Variants in STAG1 observed in about 807,000 individuals in gnomAD.
STAG1 encodes STAG1 cohesin complex component.
A neutral mutation model predicts 170.9 loss-of-function variants in STAG1; 26 were observed. That is an observed-to-expected ratio of 0.15 (90% CI 0.11 to 0.21). STAG1 has a LOEUF of 0.21. Ranked by LOEUF, STAG1 falls within the 10% of genes least tolerant of loss-of-function variation. The pLI, the probability that STAG1 is intolerant of heterozygous loss-of-function variation, is 1.00. For missense variants in STAG1, 964 were observed against 1,509.5 expected, an observed-to-expected ratio of 0.64 and a Z score of 5.99; for synonymous variants, 514 against 497.7, an observed-to-expected ratio of 1.03 and a Z score of -0.44.
intron 2 of STAG1, 89 bp downstream of exon 2, chr3:136,630,781 G>T: frequency 2.2e-6 from 2 of 903,626 alleles, no homozygotes; most frequent in Non-Finnish European, 3.5e-6. Context: ...TATTTGAAAT[G>T]TATCATCGAA....
intron 1 of STAG1, among the ~76,000 whole-genome samples, chr3:136,634,306 A>G (rs1940462145): frequency 6.6e-6 from 1 of 151,958 alleles, no homozygotes; most frequent in African/African-American, 2.4e-5. Context: ...ACAGTGAGCC[A>G]TGACTGGGCC....
chr3:136,520,303 A>G (rs2107903605), intron 7 of STAG1, among the ~76,000 whole-genome samples: 1 of 152,266 alleles, frequency 6.6e-6, no homozygotes, highest in East Asian at 1.9e-4. Flanking sequence ...TGCTTTAAAT[A>G]AATTAGATAA....
intron 2 of STAG1, among the ~76,000 whole-genome samples, chr3:136,629,116 T>G (rs543021285): frequency 6.6e-6 from 1 of 152,304 alleles, no homozygotes; most frequent in Non-Finnish European, 1.5e-5. Context: ...TCACAAAGCA[T>G]GATATATTAG....
intron 15 of STAG1, among the ~76,000 whole-genome samples, chr3:136,437,076 C>T (rs1270206769): frequency 6.6e-6 from 1 of 152,156 alleles, no homozygotes; most frequent in Non-Finnish European, 1.5e-5. Flanking sequence ...TACAAGGCTG[C>T]CCATGAACTA....
intron 4 of STAG1, among the ~76,000 whole-genome samples, chr3:136,593,699 C>A (rs1419452024): frequency 6.6e-6 from 1 of 152,288 alleles, no homozygotes; most frequent in East Asian, 1.9e-4. Flanking sequence ...CCAATTTTAT[C>A]TTCAGGCAAA....
intron 6 of STAG1, among the ~76,000 whole-genome samples, chr3:136,533,818 C>G (rs561192219): frequency 6.6e-6 from 1 of 152,114 alleles, no homozygotes; most frequent in East Asian, 1.9e-4. Flanking sequence ...AAGCAATATA[C>G]AAATTCAATG....
At chr3:136,452,239 C>G (rs2088964808) in intron 13 of STAG1, 92 bp from the exon 14 acceptor site, 3 of 802,320 alleles carry the variant, frequency 3.7e-6, no homozygotes, top group Non-Finnish European at 6.4e-6. Flanking sequence ...TTAACAACAA[C>G]AACAACAAAA....
chr3:136,617,862 A>G (rs1234715537), intron 3 of STAG1, among the ~76,000 whole-genome samples: 2 of 152,230 alleles, frequency 1.3e-5, no homozygotes, highest in Admixed American at 6.5e-5. Flanking sequence ...TGGAATTTGA[A>G]TATTATGAAA....
intron 6 of STAG1, among the ~76,000 whole-genome samples, chr3:136,540,769 C>G (rs1358399756): frequency 8.3e-6 from 1 of 121,108 alleles, no homozygotes; most frequent in East Asian, 2.7e-4. Context: ...TTAAAGTAAG[C>G]TGAGACAATG....
intron 21 of STAG1, among the ~76,000 whole-genome samples, chr3:136,411,440 T>C (rs1433798201): frequency 1.3e-5 from 2 of 152,208 alleles, no homozygotes; most frequent in African/African-American, 2.4e-5. Flanking sequence ...AGAATTTAAA[T>C]ATACCTTGAC....
chr3:136,429,819 G>A (rs577561464), intron 16 of STAG1, among the ~76,000 whole-genome samples: 4 of 152,226 alleles, frequency 2.6e-5, no homozygotes, highest in Admixed American at 2.6e-4. Context: ...ACATGTCAAG[G>A]ATGAAGACTT....
rs552631618 is a variant in STAG1, at chr3:136,460,802, A to C, written c.1313+4079T>G. 5.9e-5 allele frequency among the ~76,000 whole-genome samples: 9 copies of C among 152,302 alleles called. No individual in the cohort carries two copies. The South Asian group carries it at 1.9e-3, about 32-fold the overall frequency. On this transcript the variant is annotated intron_variant, in intron 13 of 33. Transcript: ENST00000383202. ...ATTCCAGAAAATTGAAGATAAGGGA[A>C]TACCTCCAAGCTCATTCTACAAGGT...
chr3:136,752,239 C>A lies in STAG1; in HGVS notation c.-128G>T. 1 of 153,164 alleles carries A rather than the reference C, an allele frequency of 6.5e-6. No homozygotes were observed. Among genetic ancestry groups the A allele is most frequent in the South Asian group, 1.9e-4 (1 of 5,402 alleles). The allele number at this position is 153,164 out of a possible 1,614,324, so 9.5% of individuals were successfully genotyped here. On this transcript the variant is annotated 5_prime_UTR_variant, in exon 1 of 34. Coordinates refer to ENST00000383202, the MANE Select transcript of STAG1 (RefSeq NM_005862.3). ...GCCGCCGACCATCGACCTAGTTTCC[C>A]CCCAAAAGTCTCCGGTGTGTTATTC...
chr3:136,377,866 T>C, intron 22 of STAG1, 114 bp from the exon 23 acceptor site: 1 of 781,912 alleles, frequency 1.3e-6, no homozygotes, highest in Non-Finnish European at 2.1e-6. Context: ...GAAATTCATA[T>C]AACCAAATTT....
At chr3:136,463,727 A>ATGTGTG (rs1310748716) in intron 13 of STAG1, among the ~76,000 whole-genome samples, 6 of 88,534 alleles carry the variant, frequency 6.8e-5, no homozygotes, top group African/African-American at 2.9e-4. Flanking sequence ...AAAAAAAAAA[A>ATGTGTG]TGTGTATATG....
intron 16 of STAG1, among the ~76,000 whole-genome samples, chr3:136,426,731 G>C (rs909144355): frequency 1.3e-5 from 2 of 152,100 alleles, no homozygotes; most frequent in Non-Finnish European, 2.9e-5. Flanking sequence ...TAGACATCAG[G>C]AGTTCAAGAG....
intron 13 of STAG1, among the ~76,000 whole-genome samples, chr3:136,459,023 T>G (rs887935779): frequency 6.6e-6 from 1 of 151,930 alleles, no homozygotes; most frequent in East Asian, 1.9e-4. Context: ...ATGGAGACCA[T>G]CCTGGCCAAC....
At chr3:136,534,043 TG>T (rs1483984070) in intron 6 of STAG1, among the ~76,000 whole-genome samples, 1 of 152,166 alleles carries the variant, frequency 6.6e-6, no homozygotes, top group Non-Finnish European at 1.5e-5. Flanking sequence ...AACAAAGTAT[TG>T]GTATAAAAAT....
Position 136,737,488 on chromosome 3 carries a change from T to G in STAG1, c.-84+14707A>C, listed in dbSNP as rs572986090. On this transcript the variant is annotated intron_variant, in intron 1 of 33. Transcript: ENST00000383202. ...CCTGACCTCATGTGATCCTCCCGCC[T>G]CAACCTCCCAAAGTGTTGGGATTAC... Among the ~76,000 whole-genome samples the G allele has an allele frequency of 4.6e-5, 7 of 152,290 alleles. No individual in the cohort carries two copies. The East Asian group carries it at 1.4e-3, about 29-fold the overall frequency.
Sources: allele counts gnomAD v4.1 joint callset (sites outside exome capture counted in the v4.1 genomes callset), GRCh38; gene constraint gnomAD v4.1.1; transcripts MANE v1.5; gene names NCBI Gene and HGNC (gene_info 2026-07-23, HGNC 2026-07-21).